Variants in RYR3 observed in about 807,000 individuals in gnomAD.
RYR3 encodes the protein ryanodine receptor 3.
RYR3 carries 207 observed loss-of-function variants against 584.3 expected under a neutral mutation model. That is an observed-to-expected ratio of 0.35 (90% CI 0.32 to 0.40). The LOEUF (loss-of-function observed/expected upper bound fraction) is 0.40, where lower values mean the gene tolerates loss of function less well. RYR3 is among the 10% of genes least tolerant of loss of function. The pLI is 1.00. For synonymous variants in RYR3, 2,416 were observed against 2,248.5 expected, an observed-to-expected ratio of 1.07 and a Z score of -2.11; for missense variants, 5,616 against 6,089.2, an observed-to-expected ratio of 0.92 and a Z score of 2.59.
intron 47 of RYR3, among the ~76,000 whole-genome samples, chr15:33,730,704 T>C (rs1236377961): frequency 2.0e-5 from 3 of 152,234 alleles, no homozygotes; most frequent in Non-Finnish European, 4.4e-5. Context: ...TCAAAGATGG[T>C]GGTAAAGCAT....
chr15:33,503,744 T>C lies in RYR3; in HGVS notation c.279+6T>C, dbSNP rs768346670. 6.3e-7 allele frequency: 1 copy of C among 1,581,630 alleles called. No individual in the cohort carries two copies. The highest frequency in any genetic ancestry group is 8.7e-7 in the Non-Finnish European group (1 of 1,153,930). On this transcript the variant is annotated splice_donor_region_variant and intron_variant, in intron 3 of 103. Transcript: ENST00000634891. Reference sequence around the variant, plus strand: ...GTGAAAATGGCGGCGAAGGGGTGAGTACCCGAATTGTGTCCTAGGTTGGGA... The same window carrying C: ...GTGAAAATGGCGGCGAAGGGGTGAGCACCCGAATTGTGTCCTAGGTTGGGA...
At chr15:33,516,072 A>G (rs889769458) in intron 3 of RYR3, among the ~76,000 whole-genome samples, 1 of 152,118 alleles carries the variant, frequency 6.6e-6, no homozygotes, top group Non-Finnish European at 1.5e-5. Context: ...CTTTATTATG[A>G]TATTTGTATT....
chr15:33,585,861 G>T, intron 15 of RYR3, 137 bp from the exon 16 acceptor site: 3 of 598,960 alleles, frequency 5.0e-6, no homozygotes, highest in Admixed American at 3.0e-5. Context: ...TTTTCTGGCT[G>T]GAAAGATTTG....
At chr15:33,608,229 G>A (rs2060003155) in intron 18 of RYR3, among the ~76,000 whole-genome samples, 1 of 152,164 alleles carries the variant, frequency 6.6e-6, no homozygotes, top group South Asian at 2.1e-4. Context: ...CCTGGTTCAT[G>A]CAGCAGGTAA....
intron 26 of RYR3, 103 bp downstream of exon 26, chr15:33,635,922 G>A: frequency 1.0e-6 from 1 of 953,174 alleles, no homozygotes; most frequent in Non-Finnish European, 1.6e-6. Context: ...TTCAAAGTGA[G>A]TGACCACCAC....
rs750364327 is a variant in RYR3 at position 33,563,003 on chromosome 15, A to C, written c.1139A>C (p.Lys380Thr). 6.2e-7 allele frequency: 1 copy of C among 1,608,566 alleles called. No homozygotes were observed. Among genetic ancestry groups the C allele is most frequent in the East Asian group, 2.2e-5 (1 of 44,754 alleles). ...AAAACTTCCCGCCTGGGACCTCTAA[A>C]AAGAAAGGTGAGAGTCAGAATATCT... ...DAKTSRLGPL[K>T]RKVILHQEGH... The change falls in exon 11 of 104, where the codon AAA (lysine) becomes ACA (threonine). Residue 380 changes from lysine to threonine, a missense_variant. This residue lies in a region of RYR3 where 1,284 missense variants were observed against 1,344.6 expected (regional missense o/e 0.95). Transcript: ENST00000634891.
intron 1 of RYR3, among the ~76,000 whole-genome samples, chr15:33,409,816 G>C (rs1160656962): frequency 6.6e-6 from 1 of 152,090 alleles, no homozygotes; most frequent in Non-Finnish European, 1.5e-5. Flanking sequence ...TCAAGAACTT[G>C]TCTTGTAGAC....
intron 67 of RYR3, 122 bp downstream of exon 67, chr15:33,788,580 C>A: frequency 9.3e-7 from 1 of 1,070,378 alleles, no homozygotes; most frequent in Non-Finnish European, 1.3e-6. Flanking sequence ...TAGCCGCCCC[C>A]ACCATTCTCC....
In RYR3 at chr15:33,662,546, T is replaced by G; in HGVS notation, c.5016T>G (p.Phe1672Leu). 1 of 1,613,984 alleles carries G rather than the reference T, an allele frequency of 6.2e-7. No homozygotes were observed. Among genetic ancestry groups the G allele is most frequent in the Non-Finnish European group, 8.5e-7 (1 of 1,179,882 alleles). Residue 1672 changes from phenylalanine (F) to leucine (L), a missense_variant, in exon 35 of 104, where the codon TTT becomes TTG. This residue lies in a region of RYR3 where 753 missense variants were observed against 741.0 expected (regional missense o/e 1.02). Coordinates refer to ENST00000634891, the MANE Select transcript of RYR3 (RefSeq NM_001036.6). ...GGTTCAGGTTCTCCACCCCTTGCTT[T>G]GTTGTGACTGGTGAGGATCACCAAA... ...KPGFRFSTPCFVVTGEDHQKQ... is the reference protein window; with the variant it reads ...KPGFRFSTPCLVVTGEDHQKQ...
intron 60 of RYR3, among the ~76,000 whole-genome samples, chr15:33,767,506 A>G (rs1309059303): frequency 2.3e-5 from 3 of 128,256 alleles, no homozygotes; most frequent in Non-Finnish European, 4.9e-5. Flanking sequence ...TAGACAGTCC[A>G]AAAAGACTCA....
intron 43 of RYR3, among the ~76,000 whole-genome samples, chr15:33,714,215 CA>C (rs2067324303): frequency 6.6e-6 from 1 of 151,900 alleles, no homozygotes; most frequent in Non-Finnish European, 1.5e-5. Flanking sequence ...TTGAGCTTGT[CA>C]AAAATGGTGG....
intron 1 of RYR3, among the ~76,000 whole-genome samples, chr15:33,450,443 G>A (rs147243639): frequency 1.3e-5 from 2 of 152,122 alleles, no homozygotes; most frequent in East Asian, 3.9e-4. Context: ...TCTGCCGCCC[G>A]CCCTCATCTC....
chr15:33,526,739 C>T lies in RYR3; in HGVS notation c.280-3853C>T, dbSNP rs141093624. Among the ~76,000 whole-genome samples the T allele has an allele frequency of 2.5e-3, 384 of 151,892 alleles. 1 individual carries two copies. The highest frequency in any genetic ancestry group is 8.5e-3 in the African/African-American group (354 of 41,428). On this transcript the variant is annotated intron_variant, in intron 3 of 103. Coordinates refer to ENST00000634891, the MANE Select transcript of RYR3 (RefSeq NM_001036.6). Reference sequence around the variant, plus strand: ...ATTTAATGCATGCCTCCTATGGTGCCGGGCACTGACATGGGCATGGCAGAG... The same window carrying T: ...ATTTAATGCATGCCTCCTATGGTGCTGGGCACTGACATGGGCATGGCAGAG...
At chr15:33,598,889 TAAAAAATACAA>T (rs1383094994) in intron 16 of RYR3, among the ~76,000 whole-genome samples, 1 of 151,848 alleles carries the variant, frequency 6.6e-6, no homozygotes, top group African/African-American at 2.4e-5. Flanking sequence ...CTGTCTCTAC[TAAAAAATACAA>T]AAAAATTAGC....
chr15:33,816,945 T>TACAGAGAAACAGC lies in RYR3; in HGVS notation c.10590_10591insAGAAACAGCACAG (p.Asp3531ArgfsTer8). On this transcript the variant is annotated frameshift_variant, in exon 75 of 104. Transcript: ENST00000634891. LOFTEE classifies it high-confidence loss of function. ...GAGTATTCCTTTGAAGAGAAACTAG[T>TACAGAGAAACAGC]ACAGGATTTGGCTGTAAGTACTGAC... The TACAGAGAAACAGC allele has an allele frequency of 6.2e-7, 1 of 1,606,202 alleles. No individual in the cohort carries two copies. The highest frequency in any genetic ancestry group is 8.5e-7 in the Non-Finnish European group (1 of 1,174,578).
intron 38 of RYR3, among the ~76,000 whole-genome samples, chr15:33,682,099 T>G (rs945468490): frequency 2.0e-5 from 3 of 152,226 alleles, no homozygotes; most frequent in Non-Finnish European, 4.4e-5. Context: ...TATTTTACCA[T>G]TTAAAAAGGA....
intron 38 of RYR3, among the ~76,000 whole-genome samples, chr15:33,694,887 G>C (rs1008038171): frequency 6.6e-6 from 1 of 152,202 alleles, no homozygotes; most frequent in Admixed American, 6.5e-5. Flanking sequence ...ACAGCAGTAA[G>C]TTAAATTAAT....
chr15:33,369,309 C>A (rs1163488241), intron 1 of RYR3, among the ~76,000 whole-genome samples: 3 of 152,130 alleles, frequency 2.0e-5, no homozygotes, highest in African/African-American at 7.2e-5. Flanking sequence ...CTACCCAAAC[C>A]CAGCCATTCA....
intron 1 of RYR3, among the ~76,000 whole-genome samples, chr15:33,385,710 C>CTTCTTT (rs2041549911): frequency 1.5e-5 from 2 of 131,402 alleles, no homozygotes; most frequent in African/African-American, 5.9e-5. Flanking sequence ...TTTTTCTTTT[C>CTTCTTT]TTTTTTTTTT....
Sources: allele counts gnomAD v4.1 joint callset (sites outside exome capture counted in the v4.1 genomes callset), GRCh38; gene constraint gnomAD v4.1.1; regional missense constraint gnomAD v4.1.1; transcripts MANE v1.5; gene names NCBI Gene and HGNC (gene_info 2026-07-23, HGNC 2026-07-21).